BABAM2: variants seen among roughly 807,000 people sequenced by gnomAD.
BABAM2 encodes the protein BRISC and BRCA1-A complex member 2.
A neutral mutation model predicts 54.7 loss-of-function variants in BABAM2; 31 were observed. The observed-to-expected ratio is 0.57, with a 90% CI of 0.43 to 0.77. The LOEUF (loss-of-function observed/expected upper bound fraction) is 0.77. BABAM2 is among the 30% of genes least tolerant of loss of function. The probability of loss-of-function intolerance (pLI) is 0.00; values close to 1 mark genes in which losing one functional copy is unlikely to be tolerated. For synonymous variants in BABAM2, 167 were observed against 162.9 expected, an observed-to-expected ratio of 1.03 and a Z score of -0.19; for missense variants, 364 against 455.8, an observed-to-expected ratio of 0.80 and a Z score of 1.83.
chr2:28,308,401 A>C, intron 11 of BABAM2: 1 of 514,866 alleles, frequency 1.9e-6, no homozygotes. Context: ...AGGTTCCCCC[A>C]ACCACTGAGT....
intron 6 of BABAM2, among the ~76,000 whole-genome samples, chr2:28,122,165 G>A (rs1319549901): frequency 2.6e-5 from 4 of 152,046 alleles, no homozygotes; most frequent in African/African-American, 9.7e-5. Flanking sequence ...GCAGTGAGCC[G>A]AGATTGCACC....
intron 4 of BABAM2, among the ~76,000 whole-genome samples, chr2:28,004,166 T>G (rs1380655570): frequency 6.7e-6 from 1 of 149,436 alleles, no homozygotes; most frequent in East Asian, 2.0e-4. Flanking sequence ...TTAAAAAACA[T>G]TTTTCAGAGA....
At chr2:28,132,908 T>A (rs1254357474) in intron 7 of BABAM2, among the ~76,000 whole-genome samples, 2 of 152,204 alleles carry the variant, frequency 1.3e-5, no homozygotes, top group African/African-American at 4.8e-5. Context: ...TACACAGTTA[T>A]CAATTGCCTA....
At chr2:28,052,702 G>A (rs923132964) in intron 6 of BABAM2, among the ~76,000 whole-genome samples, 4 of 152,186 alleles carry the variant, frequency 2.6e-5, no homozygotes, top group African/African-American at 4.8e-5. Flanking sequence ...GCCTGGAAAA[G>A]CCCATTTCAA....
intron 5 of BABAM2, among the ~76,000 whole-genome samples, chr2:28,033,305 G>A (rs1178415630): frequency 2.0e-5 from 3 of 152,048 alleles, no homozygotes; most frequent in South Asian, 2.1e-4. Flanking sequence ...AGAAGAACCA[G>A]TGTGTCTTAG....
intron 7 of BABAM2, among the ~76,000 whole-genome samples, chr2:28,136,197 C>A (rs1042326699): frequency 2.6e-5 from 4 of 152,222 alleles, no homozygotes; most frequent in African/African-American, 7.2e-5. Context: ...TTACCTCCCC[C>A]ACAGGGTCCG....
intron 8 of BABAM2, among the ~76,000 whole-genome samples, chr2:28,239,588 A>T (rs1484770694): frequency 6.6e-6 from 1 of 152,250 alleles, no homozygotes; most frequent in African/African-American, 2.4e-5. Flanking sequence ...AATACTCCTT[A>T]TTCTGAATAT....
At chr2:28,250,611 T>C (rs1007998280) in intron 10 of BABAM2, among the ~76,000 whole-genome samples, 1 of 151,198 alleles carries the variant, frequency 6.6e-6, no homozygotes, top group African/African-American at 2.4e-5. Context: ...TTGTTTGTTT[T>C]GTTTTTGAGA....
intron 3 of BABAM2, among the ~76,000 whole-genome samples, chr2:27,933,952 C>T (rs560890224): frequency 2.7e-4 from 41 of 151,290 alleles, no homozygotes; most frequent in Non-Finnish European, 5.3e-4. Flanking sequence ...GGGATTGGTT[C>T]CAAGATGTCC....
intron 10 of BABAM2, among the ~76,000 whole-genome samples, chr2:28,296,898 G>A (rs1687739689): frequency 6.6e-6 from 1 of 152,100 alleles, no homozygotes; most frequent in African/African-American, 2.4e-5. Flanking sequence ...ATGTTGGCCA[G>A]GCTGGTCTTG....
Position 28,304,413 on chromosome 2 carries a change from T to C in BABAM2, c.1088+5922T>C, listed in dbSNP as rs1010874029. On this transcript the variant is annotated intron_variant, in intron 11 of 11. Coordinates refer to ENST00000379624, the MANE Select transcript of BABAM2 (RefSeq NM_199191.3). The surrounding 1 kb of genome is among the most constrained non-coding windows in gnomAD (Gnocchi z 4.0). The stretch of plus-strand genomic sequence containing the variant: ...TATAAATATAAAATATTTATAAATA[T>C]ATAAAAATATAAACAAAATTTTTAA... Among the ~76,000 whole-genome samples the C allele has an allele frequency of 1.5e-4, 23 of 149,928 alleles. No homozygotes were observed. Among genetic ancestry groups the C allele is most frequent in the Non-Finnish European group, 1.0e-4 (7 of 67,512 alleles).
chr2:28,122,420 A>C (rs1669156158), intron 6 of BABAM2, among the ~76,000 whole-genome samples: 1 of 152,168 alleles, frequency 6.6e-6, no homozygotes, highest in Non-Finnish European at 1.5e-5. Flanking sequence ...CAAACAAACA[A>C]ACACAGAAGC....
chr2:28,245,408 A>G (rs1326873052), intron 10 of BABAM2, among the ~76,000 whole-genome samples: 3 of 152,220 alleles, frequency 2.0e-5, no homozygotes, highest in African/African-American at 7.2e-5. Context: ...TAACTTAAAG[A>G]TGGGGTAATG....
chr2:28,252,328 C>T (rs553771363), intron 10 of BABAM2, among the ~76,000 whole-genome samples: 5 of 152,120 alleles, frequency 3.3e-5, no homozygotes, highest in African/African-American at 1.2e-4. Flanking sequence ...TTACTAAATG[C>T]CTTTTTGCTT....
At chr2:28,013,348 G>T (rs1223199301) in intron 4 of BABAM2, 1 of 455,786 alleles carries the variant, frequency 2.2e-6, no homozygotes, top group East Asian at 7.0e-5. Context: ...TCCTCTGTTA[G>T]TTGGAAGTTT....
intron 3 of BABAM2, among the ~76,000 whole-genome samples, chr2:27,948,412 C>A (rs1163459586): frequency 6.6e-6 from 1 of 152,144 alleles, no homozygotes; most frequent in African/African-American, 2.4e-5. Context: ...CCTGTCTAAT[C>A]TGAATGCCTT....
At chr2:27,910,300 C>A (rs1573143310) in intron 2 of BABAM2, among the ~76,000 whole-genome samples, 1 of 151,532 alleles carries the variant, frequency 6.6e-6, no homozygotes, top group Admixed American at 6.6e-5. Context: ...CAGTTGTCTC[C>A]TAGGTTGAAA....
chr2:27,976,937 C>G (rs1671651251), intron 3 of BABAM2, among the ~76,000 whole-genome samples: 2 of 152,218 alleles, frequency 1.3e-5, no homozygotes, highest in African/African-American at 4.8e-5. Flanking sequence ...TTTAAATGAC[C>G]TAAGTTTAGC....
rs1346849321 is a variant in BABAM2, at chr2:28,105,377, A to G, written c.571-23894A>G. On this transcript the variant is annotated intron_variant, in intron 6 of 11. Transcript: ENST00000379624. ...GAAGATACTGACTGTGGTATGAAGA[A>G]GAGAAGGCAGAAATACTTCTCTGAG... Among the ~76,000 whole-genome samples, 4 of 152,196 alleles carry G rather than the reference A, an allele frequency of 2.6e-5. No individual in the cohort carries two copies. The South Asian group carries it at 6.2e-4, about 24-fold the overall frequency.
Sources: allele counts gnomAD v4.1 joint callset (sites outside exome capture counted in the v4.1 genomes callset), GRCh38; gene constraint gnomAD v4.1.1; non-coding constraint Gnocchi (gnomAD v3.1); transcripts MANE v1.5; gene names NCBI Gene and HGNC (gene_info 2026-07-23, HGNC 2026-07-21).